SENP5: variants seen among roughly 807,000 people sequenced by gnomAD.
SENP5 encodes the protein sentrin-specific protease 5.
Under a neutral mutation model 74.2 loss-of-function variants are expected in SENP5, and 21 were observed. That is an observed-to-expected ratio of 0.28 (90% confidence interval 0.20 to 0.41). SENP5 has a LOEUF of 0.41. Among genes scored for constraint, SENP5 ranks in the 10% least tolerant of loss-of-function variants. The pLI is 1.00. For missense variants in SENP5, 717 were observed against 889.1 expected (o/e 0.81, Z 2.46); for synonymous variants, 311 against 312.7 (o/e 0.99, Z 0.06).
At chr3:196,888,647 T>G (rs1246905068) in intron 2 of SENP5, among the ~76,000 whole-genome samples, 1 of 151,910 alleles carries the variant, frequency 6.6e-6, no homozygotes, top group Non-Finnish European at 1.5e-5. Flanking sequence ...ACCATTTTGT[T>G]AAAAGATATA....
chr3:196,894,796 C>T (rs551138196), intron 2 of SENP5, among the ~76,000 whole-genome samples: 1 of 152,250 alleles, frequency 6.6e-6, no homozygotes, highest in African/African-American at 2.4e-5. Context: ...GAATTTCTCA[C>T]ATTTTTGTCC....
rs775407442 is a variant in SENP5 at position 196,885,761 on chromosome 3, G to T, written c.580G>T (p.Gly194Cys). ...CACCTTGAACAACCATAAGAGAAAG[G>T]GCTTTTGTTACGGCTGCTGCCAAGG... ...VVTLNNHKRK[G>C]FCYGCCQGPE... Residue 194 changes from glycine to cysteine, a missense_variant, in exon 2 of 10, where the codon GGC (glycine) becomes TGC (cysteine). Gly to Cys is a radical substitution (Grantham distance 159, BLOSUM62 -3). Around this residue, in one of 4 missense-constraint regions of SENP5, gnomAD observed 567 missense variants for 577.4 expected, o/e 0.98. Transcript: ENST00000323460. The T allele has an allele frequency of 6.2e-7, 1 of 1,614,200 alleles. No homozygotes were observed. The highest frequency in any genetic ancestry group is 8.5e-7 in the Non-Finnish European group (1 of 1,180,048).
chr3:196,922,774 AC>A (rs1715669648), intron 6 of SENP5, among the ~76,000 whole-genome samples: 2 of 152,078 alleles, frequency 1.3e-5, no homozygotes, highest in Admixed American at 1.3e-4. Context: ...AGTGCACACC[AC>A]CACGCCCGGT....
chr3:196,885,806 G>C lies in SENP5; in HGVS notation c.625G>C (p.Gly209Arg). 5.0e-6 allele frequency: 8 copies of C among 1,614,180 alleles called. No homozygotes were observed. Among genetic ancestry groups the C allele is most frequent in the Non-Finnish European group, 6.8e-6 (8 of 1,180,028 alleles). The change falls in exon 2 of 10, where the codon GGG (glycine) becomes CGG (arginine). Residue 209 changes from glycine to arginine, a missense_variant. Physicochemically the swap from Gly to Arg is moderately radical, Grantham distance 125. Transcript: ENST00000323460. ...CCQGPEHHRNGGPLIPKKFQL... is the reference protein window; with the variant it reads ...CCQGPEHHRNRGPLIPKKFQL... ...CCAAGGGCCGGAGCACCACAGGAAT[G>C]GGGGACCCTTGATTCCAAAAAAGTT...
rs1716174825 is a variant in SENP5, at chr3:196,934,606, T to C, written c.*3683T>C. On this transcript the variant is annotated 3_prime_UTR_variant, in exon 10 of 10. Transcript: ENST00000323460. Reference sequence around the variant, plus strand: ...ACGAGCTGTTCACTTAACTGGTACCTGTTGGTCAGAAAAAGAATTTATTTA... The same window carrying C: ...ACGAGCTGTTCACTTAACTGGTACCCGTTGGTCAGAAAAAGAATTTATTTA... 1 of 152,234 alleles carries C rather than the reference T, an allele frequency of 6.6e-6. No individual in the cohort carries two copies. Among genetic ancestry groups the C allele is most frequent in the African/African-American group, 2.4e-5 (1 of 41,458 alleles). The allele number at this position is 152,234 out of a possible 1,614,324, so 9.4% of individuals were successfully genotyped here.
intron 2 of SENP5, among the ~76,000 whole-genome samples, chr3:196,894,285 G>A (rs1349949547): frequency 1.3e-5 from 2 of 151,476 alleles, no homozygotes; most frequent in Admixed American, 1.3e-4. Context: ...CACCACGCCC[G>A]GCTAATTTTG....
Position 196,922,136 on chromosome 3 carries a change from A to G in SENP5, c.1885-1278A>G, listed in dbSNP as rs562560081. 2.6e-5 allele frequency among the ~76,000 whole-genome samples: 4 copies of G among 152,394 alleles called. No homozygotes were observed. In the South Asian group the frequency reaches 8.3e-4, roughly 32 times the overall value. ...GAGACCCAAGCAAGTAATCATAATA[A>G]TAACTAAGGTATTTGGCTACTTATA... On this transcript the variant is annotated intron_variant, in intron 6 of 9. Transcript: ENST00000323460.
At chr3:196,891,327 T>TAAA (rs10660905) in intron 2 of SENP5, among the ~76,000 whole-genome samples, 99,693 of 151,698 alleles carry the variant, frequency 0.66, 33,776 homozygotes, top group Non-Finnish European at 0.74. Context: ...GGTATAGAGT[T>TAAA]TCTTTGTGGG....
At chr3:196,876,531 A>G (rs1044407823) in intron 1 of SENP5, among the ~76,000 whole-genome samples, 12 of 151,492 alleles carry the variant, frequency 7.9e-5, no homozygotes, top group Non-Finnish European at 1.5e-4. Flanking sequence ...AAAAAAAAAA[A>G]AAAGAAAAGA....
At chr3:196,883,096 G>T (rs1713799779) in intron 1 of SENP5, among the ~76,000 whole-genome samples, 1 of 151,768 alleles carries the variant, frequency 6.6e-6, no homozygotes, top group African/African-American at 2.4e-5. Flanking sequence ...TGGAGTCCCT[G>T]TGTCTGCAGA....
chr3:196,909,425 C>T (rs1264065971), intron 6 of SENP5, among the ~76,000 whole-genome samples: 1 of 152,188 alleles, frequency 6.6e-6, no homozygotes, highest in Non-Finnish European at 1.5e-5. Flanking sequence ...AGGCCGGCAT[C>T]ATCCTGATAC....
intron 1 of SENP5, among the ~76,000 whole-genome samples, chr3:196,880,900 C>T (rs1279398528): frequency 6.6e-6 from 1 of 151,982 alleles, no homozygotes; most frequent in African/African-American, 2.4e-5. Context: ...CTCGGCCTCC[C>T]AAAGTGTTGG....
chr3:196,880,685 A>G (rs1403967381), intron 1 of SENP5, among the ~76,000 whole-genome samples: 1 of 111,546 alleles, frequency 9.0e-6, no homozygotes, highest in African/African-American at 3.6e-5. Flanking sequence ...TTTGTACCCC[A>G]GGCTGGAGTG....
At chr3:196,881,896 GTTT>G (rs11385462) in intron 1 of SENP5, among the ~76,000 whole-genome samples, 1 of 109,200 alleles carries the variant, frequency 9.2e-6, no homozygotes, top group Non-Finnish European at 1.8e-5. Context: ...GATAGTATTA[GTTT>G]TTTTTTTTTT....
chr3:196,900,008 G>T lies in SENP5; in HGVS notation c.1704G>T (p.Met568Ile), dbSNP rs1268426449. The T allele has an allele frequency of 6.2e-7, 1 of 1,613,928 alleles. No homozygotes were observed. The highest frequency in any genetic ancestry group is 1.3e-5 in the African/African-American group (1 of 74,892). Residue 568 changes from methionine (M) to isoleucine (I), a missense_variant, in exon 4 of 10, where the codon ATG becomes ATT. Met to Ile is a conservative substitution (Grantham distance 10). This residue lies in a region of SENP5 where 64 missense variants were observed against 100.8 expected (regional missense o/e 0.64). Coordinates refer to ENST00000323460, the MANE Select transcript of SENP5 (RefSeq NM_152699.5). ...TCCGTATCTTCTATAATAAACACAT[G>T]CTGGATATGGACGACCTGGCGACTC... is the stretch of plus-strand genomic sequence containing the variant. ...CNFRIFYNKH[M>I]LDMDDLATLD...
At chr3:196,891,450 A>C (rs1714196106) in intron 2 of SENP5, among the ~76,000 whole-genome samples, 1 of 152,134 alleles carries the variant, frequency 6.6e-6, no homozygotes, top group Non-Finnish European at 1.5e-5. Flanking sequence ...TGTGAATCAC[A>C]TCTCAATAAA....
intron 6 of SENP5, chr3:196,914,586 A>AAAAAATAT: frequency 2.7e-4 from 9 of 33,492 alleles, no homozygotes; most frequent in African/African-American, 8.9e-4. Flanking sequence ...AAAAAAAAAA[A>AAAAAATAT]ATATATATAT....
At chr3:196,891,633 T>G (rs974762994) in intron 2 of SENP5, among the ~76,000 whole-genome samples, 4 of 152,138 alleles carry the variant, frequency 2.6e-5, no homozygotes, top group Non-Finnish European at 4.4e-5. Flanking sequence ...GAGACTCTAT[T>G]GCTACAAAAA....
chr3:196,929,542 A>G (rs779462863), intron 8 of SENP5, 91 bp from the exon 9 acceptor site: 103 of 765,606 alleles, frequency 1.3e-4, no homozygotes, highest in Non-Finnish European at 2.1e-4. Context: ...AAAGTTTCCT[A>G]TCTTTTGCGC....
Sources: allele counts gnomAD v4.1 joint callset (sites outside exome capture counted in the v4.1 genomes callset), GRCh38; gene constraint gnomAD v4.1.1; regional missense constraint gnomAD v4.1.1; transcripts MANE v1.5; gene names NCBI Gene and HGNC (gene_info 2026-07-23, HGNC 2026-07-21).